The following UBA5 variants were observed in gnomAD, a reference collection of about 807,000 sequenced individuals.
UBA5 encodes ubiquitin like modifier activating enzyme 5, also known as ubiquitin-like modifier-activating enzyme 5.
Under a neutral mutation model 52.9 loss-of-function variants are expected in UBA5, and 28 were observed. That is an observed-to-expected ratio of 0.53 (90% confidence interval 0.39 to 0.73). UBA5 has a LOEUF of 0.73. UBA5 is among the 30% of genes least tolerant of loss of function. The pLI is 0.00. For synonymous variants in UBA5, 135 were observed against 162.1 expected, an observed-to-expected ratio of 0.83 and a Z score of 1.27; for missense variants, 388 against 492.7, an observed-to-expected ratio of 0.79 and a Z score of 2.01.
chr3:132,659,601 A>T, upstream of UBA5: 35 of 1,611,466 alleles, frequency 2.2e-5, no homozygotes, highest in Non-Finnish European at 2.8e-5. Flanking sequence ...TGACATCCAT[A>T]CCTGTACTGG....
In UBA5 at chr3:132,660,930, T is replaced by G; in HGVS notation, c.161+232T>G. 1 of 1,487,316 alleles carries G rather than the reference T, an allele frequency of 6.7e-7. No individual in the cohort carries two copies. The highest frequency in any genetic ancestry group is 8.9e-7 in the Non-Finnish European group (1 of 1,120,772). The allele number at this position is 1,487,316 out of a possible 1,614,324, so 92.1% of individuals were successfully genotyped here. On this transcript the variant is annotated intron_variant, in intron 1 of 11. Transcript: ENST00000356232. The surrounding 1 kb of genome is among the most constrained non-coding windows in gnomAD (Gnocchi z 4.1). ...AGCCATATGGTGCTGCTCCTGTGCCTGCTGAGGACGTGTGTCCAGTTTCCT... is the reference window on the plus strand; with the variant it reads ...AGCCATATGGTGCTGCTCCTGTGCCGGCTGAGGACGTGTGTCCAGTTTCCT...
chr3:132,675,298 T>C lies in UBA5; in HGVS notation c.863T>C (p.Met288Thr), dbSNP rs768509328. ...AGTTTTTACCTTGGATACAATGCAATGCAGGATTTTTTTCCTACTATGTCC... is the reference window on the plus strand; with the variant it reads ...AGTTTTTACCTTGGATACAATGCAACGCAGGATTTTTTTCCTACTATGTCC... ...TVSFYLGYNA[M>T]QDFFPTMSMK... Residue 288 changes from methionine (M) to threonine (T), a missense_variant, in exon 9 of 12, where the codon ATG becomes ACG. Physicochemically the swap from Met to Thr is moderately conservative, Grantham distance 81. This residue lies in a region of UBA5 where 277 missense variants were observed against 326.4 expected (regional missense o/e 0.85). Coordinates refer to ENST00000356232, the MANE Select transcript of UBA5 (RefSeq NM_024818.6). 9.9e-6 allele frequency: 16 copies of C among 1,613,452 alleles called. No individual in the cohort carries two copies. The highest frequency in any genetic ancestry group is 1.3e-5 in the Non-Finnish European group (15 of 1,179,548).
chr3:132,661,711 T>C (rs1482637712), intron 1 of UBA5, among the ~76,000 whole-genome samples: 1 of 152,200 alleles, frequency 6.6e-6, no homozygotes, highest in Non-Finnish European at 1.5e-5. Context: ...ATGAACCGTC[T>C]CCCCAGTAAA....
At chr3:132,656,364 A>G (rs1159006355), upstream of UBA5, among the ~76,000 whole-genome samples, 4 of 152,214 alleles carry the variant, frequency 2.6e-5, no homozygotes, top group East Asian at 7.7e-4. Context: ...CTGCTAGGTC[A>G]TAGGTCATGT....
chr3:132,666,574 C>T (rs1576643115), intron 3 of UBA5, among the ~76,000 whole-genome samples: 2 of 152,024 alleles, frequency 1.3e-5, no homozygotes, highest in Non-Finnish European at 2.9e-5. Context: ...ATTCAGTCTA[C>T]CAATCTTAGA....
upstream of UBA5, chr3:132,659,761 C>G (rs922557548): frequency 6.3e-7 from 1 of 1,584,900 alleles, no homozygotes; most frequent in Non-Finnish European, 8.6e-7. Flanking sequence ...TGATCACCCC[C>G]GCAGGCCACA....
chr3:132,664,658 CTGT>C (rs1938297534), intron 1 of UBA5, among the ~76,000 whole-genome samples: 2 of 151,994 alleles, frequency 1.3e-5, no homozygotes, highest in African/African-American at 2.4e-5. Flanking sequence ...TCAGGTGGTC[CTGT>C]TGTTGATCCA....
rs1259800991 is a variant in UBA5, at chr3:132,672,044, A to G, written c.685-6A>G. 1.9e-6 allele frequency: 3 copies of G among 1,612,668 alleles called. No individual in the cohort carries two copies. Among genetic ancestry groups the G allele is most frequent in the Admixed American group, 1.7e-5 (1 of 59,772 alleles). On this transcript the variant is annotated splice_region_variant and splice_polypyrimidine_tract_variant and intron_variant, in intron 7 of 11. Transcript: ENST00000356232. ...TTTTTTGAAATGTGTTTTATTTTTC[A>G]TGTAGTGTGCTCCACCACTTGTAGT... is the stretch of plus-strand genomic sequence containing the variant.
Position 132,676,556 on chromosome 3 carries a change from A to G in UBA5, c.*30A>G. ...TGGACTGGGATATATTGTATTTCTC[A>G]TGTTAAAGCCTCTTCCCTTGAAATT... On this transcript the variant is annotated 3_prime_UTR_variant, in exon 12 of 12. Coordinates refer to ENST00000356232, the MANE Select transcript of UBA5 (RefSeq NM_024818.6). The surrounding 1 kb of genome is among the most constrained non-coding windows in gnomAD (Gnocchi z 4.1). 1 of 1,519,548 alleles carries G rather than the reference A, an allele frequency of 6.6e-7. No homozygotes were observed. 94.1% of individuals were successfully genotyped at this position (1,519,548 alleles called of 1,614,324 possible). A position where few individuals can be genotyped will look rare whatever the true frequency, so the allele number is the denominator to read the frequency against.
intron 4 of UBA5, among the ~76,000 whole-genome samples, chr3:132,669,840 T>G (rs1326400001): frequency 6.6e-6 from 1 of 152,180 alleles, no homozygotes; most frequent in East Asian, 1.9e-4. Flanking sequence ...TGGGAACAGT[T>G]TTGTAATCTT....
intron 6 of UBA5, 77 bp downstream of exon 6, chr3:132,671,126 A>G (rs1175498150): frequency 7.1e-6 from 9 of 1,270,646 alleles, no homozygotes; most frequent in Non-Finnish European, 1.0e-5. Flanking sequence ...TATAATCCCC[A>G]TCCTAAAAAC....
At chr3:132,659,724 C>T (rs759636072), upstream of UBA5, 12 of 1,608,642 alleles carry the variant, frequency 7.5e-6, no homozygotes, top group Non-Finnish European at 1.0e-5. Context: ...TCGGCCAAAT[C>T]GGACTCGCCA....
rs1181527160 is a variant in UBA5, at chr3:132,660,510, G to A, written c.-28G>A. On this transcript the variant is annotated 5_prime_UTR_variant, in exon 1 of 12. Transcript: ENST00000356232. The surrounding 1 kb of genome is among the most constrained non-coding windows in gnomAD (Gnocchi z 4.1). ...GAAGGCGGCGGCGAAGGCCCGGGCT[G>A]GGAGCGTTGGCGGCCGGAGTCCCAG... The A allele has an allele frequency of 1.3e-6, 2 of 1,546,342 alleles. No individual in the cohort carries two copies. Among genetic ancestry groups the A allele is most frequent in the Non-Finnish European group, 1.7e-6 (2 of 1,146,496 alleles).
In UBA5 at chr3:132,670,905, A is replaced by G. The variant is rs1041289874; in HGVS notation, c.495-60A>G. ...TAAGTGTTGGACTGAACAAGTAAGT[A>G]TAATGTATTAGAGTGTATTTTGTGT... On this transcript the variant is annotated intron_variant, in intron 5 of 11. Transcript: ENST00000356232. 4.2e-6 allele frequency: 5 copies of G among 1,191,662 alleles called. No individual in the cohort carries two copies. In the African/African-American group the frequency reaches 4.5e-5, roughly 11 times the overall value. 73.8% of individuals were successfully genotyped at this position (1,191,662 alleles called of 1,614,324 possible).
At chr3:132,674,615 G>A (rs2107948818) in intron 8 of UBA5, among the ~76,000 whole-genome samples, 1 of 152,302 alleles carries the variant, frequency 6.6e-6, no homozygotes, top group East Asian at 1.9e-4. Flanking sequence ...CTTGAGCCTG[G>A]GAGGGCGAGG....
chr3:132,673,740 G>A lies in UBA5; in HGVS notation c.813-1508G>A, dbSNP rs1023048337. 4.6e-5 allele frequency among the ~76,000 whole-genome samples: 7 copies of A among 150,946 alleles called. No individual in the cohort carries two copies. The East Asian group carries it at 5.8e-4, about 13-fold the overall frequency. ...TGCAGAGGCACAAAGGCACAATCTC[G>A]GCTAACTGCAGTCTTCCAGGTTCAA... is the stretch of plus-strand genomic sequence containing the variant. On this transcript the variant is annotated intron_variant, in intron 8 of 11. Coordinates refer to ENST00000356232, the MANE Select transcript of UBA5 (RefSeq NM_024818.6).
rs1938089245 is a variant in UBA5, at chr3:132,660,483, G to T, written c.-55G>T. 6 of 1,540,016 alleles carry T rather than the reference G, an allele frequency of 3.9e-6. No individual in the cohort carries two copies. In the South Asian group the frequency reaches 4.8e-5, roughly 12 times the overall value. On this transcript the variant is annotated 5_prime_UTR_variant, in exon 1 of 12. Coordinates refer to ENST00000356232, the MANE Select transcript of UBA5 (RefSeq NM_024818.6). The surrounding 1 kb of genome is among the most constrained non-coding windows in gnomAD (Gnocchi z 4.1). ...CGCGGGCCCAGCCGAGCAACGTGGG[G>T]CGAAGGCGGCGGCGAAGGCCCGGGC...
In UBA5 at chr3:132,678,682, C is replaced by T. The variant is rs1938931105; in HGVS notation, c.*2156C>T. Among the ~76,000 whole-genome samples, 2 of 152,098 alleles carry T rather than the reference C, an allele frequency of 1.3e-5. No individual in the cohort carries two copies. Among genetic ancestry groups the T allele is most frequent in the Admixed American group, 1.3e-4 (2 of 15,270 alleles). ...TTTATTTTTTTGAGACAGAGTCTCA[C>T]TCTGTTGCCCAGGCTGGAGTGCAGT... On this transcript the variant is annotated 3_prime_UTR_variant, in exon 12 of 12. Transcript: ENST00000356232.
At position 132,660,764 on chromosome 3, in the gene UBA5, G is replaced by GA; in HGVS notation, c.161+67dup. ...GGTCAGGCTCCGTGAGGTCAGAAGTGAGGCGCTTCCCACGTCCCGCTCATG... is the reference window on the plus strand; with the variant it reads ...GGTCAGGCTCCGTGAGGTCAGAAGTGAAGGCGCTTCCCACGTCCCGCTCATG... On this transcript the variant is annotated intron_variant, in intron 1 of 11. Transcript: ENST00000356232. The surrounding 1 kb of genome is among the most constrained non-coding windows in gnomAD (Gnocchi z 4.1). 6.8e-7 allele frequency: 1 copy of GA among 1,460,364 alleles called. No individual in the cohort carries two copies. 90.5% of individuals were successfully genotyped at this position (1,460,364 alleles called of 1,614,324 possible).
Sources: allele counts gnomAD v4.1 joint callset (sites outside exome capture counted in the v4.1 genomes callset), GRCh38; gene constraint gnomAD v4.1.1; regional missense constraint gnomAD v4.1.1; non-coding constraint Gnocchi (gnomAD v3.1); transcripts MANE v1.5; gene names NCBI Gene and HGNC (gene_info 2026-07-23, HGNC 2026-07-21).